Variants in KLF7 observed in about 807,000 individuals in gnomAD.
KLF7 encodes Krueppel-like factor 7.
KLF7 carries 2 observed loss-of-function variants against 27.3 expected under a neutral mutation model. The ratio of observed to expected loss-of-function variants is 0.07; its 90% CI spans 0.03 to 0.23. The LOEUF is 0.23. Ranked by LOEUF, KLF7 falls within the 10% of genes least tolerant of loss-of-function variation. The pLI, the probability that KLF7 is intolerant of heterozygous loss-of-function variation, is 1.00. For missense variants in KLF7, 221 were observed against 394.1 expected (o/e 0.56, Z 3.72); for synonymous variants, 165 against 162.4 (o/e 1.02, Z -0.12).
rs369933071 is a variant in KLF7, at chr2:207,161,336, C to T, written c.102+4131G>A. On this transcript the variant is annotated intron_variant, in intron 1 of 3. Coordinates refer to ENST00000309446, the MANE Select transcript of KLF7 (RefSeq NM_003709.4). ...AAACAGATTTACAGTAACTGAAGAACACACAAATCACATACCAAAAAAAAA... is the reference window on the plus strand; with the variant it reads ...AAACAGATTTACAGTAACTGAAGAATACACAAATCACATACCAAAAAAAAA... 5.9e-5 allele frequency among the ~76,000 whole-genome samples: 9 copies of T among 152,254 alleles called. No individual in the cohort carries two copies. In the East Asian group the frequency reaches 1.5e-3, roughly 26 times the overall value.
intron 2 of KLF7, among the ~76,000 whole-genome samples, chr2:207,091,506 T>C (rs1409032084): frequency 1.3e-5 from 2 of 152,182 alleles, no homozygotes; most frequent in East Asian, 3.9e-4. Context: ...GTTACTATTA[T>C]AGTGATTTAT....
Position 207,165,887 on chromosome 2 carries a change from G to C in KLF7, c.-319C>G. The C allele has an allele frequency of 8.6e-7, 1 of 1,166,882 alleles. No individual in the cohort carries two copies. The highest frequency in any genetic ancestry group is 1.1e-6 in the Non-Finnish European group (1 of 940,482). The allele number at this position is 1,166,882 out of a possible 1,614,324, so 72.3% of individuals were successfully genotyped here. On this transcript the variant is annotated 5_prime_UTR_variant, in exon 1 of 4. In the 5' UTR this introduces an upstream ATG that the reference lacks. Transcript: ENST00000309446. ...AGGGCTCTAATCACTCCAGCTCGTGGATCAGGAAGGGGGATGCAAACTCAC... is the reference window on the plus strand; with the variant it reads ...AGGGCTCTAATCACTCCAGCTCGTGCATCAGGAAGGGGGATGCAAACTCAC...
chr2:207,143,001 A>C (rs2077986648), intron 1 of KLF7, among the ~76,000 whole-genome samples: 1 of 152,250 alleles, frequency 6.6e-6, no homozygotes, highest in African/African-American at 2.4e-5. Context: ...CAGTAGCCGT[A>C]TTAATGTTGC....
chr2:207,092,617 G>A (rs1281954908), intron 2 of KLF7, among the ~76,000 whole-genome samples: 5 of 152,144 alleles, frequency 3.3e-5, no homozygotes, highest in Non-Finnish European at 5.9e-5. Flanking sequence ...TCAAGAACTC[G>A]CGTTCTCCCA....
intron 1 of KLF7, among the ~76,000 whole-genome samples, chr2:207,126,740 T>C (rs1429388480): frequency 6.6e-6 from 1 of 151,954 alleles, no homozygotes; most frequent in African/African-American, 2.4e-5. Context: ...GAGTTCAAGG[T>C]TGCAGTGAGC....
At chr2:207,154,812 G>A (rs1273699512) in intron 1 of KLF7, among the ~76,000 whole-genome samples, 3 of 152,168 alleles carry the variant, frequency 2.0e-5, no homozygotes, top group African/African-American at 7.2e-5. Flanking sequence ...CTTTCTCAAG[G>A]TTCCACCTCT....
chr2:207,162,322 T>C (rs1220084335), intron 1 of KLF7, among the ~76,000 whole-genome samples: 2 of 152,228 alleles, frequency 1.3e-5, no homozygotes, highest in Non-Finnish European at 2.9e-5. Flanking sequence ...GAAATTTTCC[T>C]ACAAGTTTTC....
intron 1 of KLF7, among the ~76,000 whole-genome samples, chr2:207,159,695 T>C (rs1424334739): frequency 6.6e-6 from 1 of 152,210 alleles, no homozygotes; most frequent in Admixed American, 6.5e-5. Context: ...TGAAGAATGG[T>C]ATCCCCCTGA....
intron 2 of KLF7, among the ~76,000 whole-genome samples, chr2:207,097,179 A>T (rs2076650999): frequency 6.6e-6 from 1 of 152,204 alleles, no homozygotes. Context: ...TGGCTCTGCC[A>T]CATAATAGCA....
intron 2 of KLF7, among the ~76,000 whole-genome samples, chr2:207,120,289 G>A (rs1419673714): frequency 6.6e-6 from 1 of 152,162 alleles, no homozygotes; most frequent in Non-Finnish European, 1.5e-5. Context: ...ATCTTTTTCA[G>A]CTCAGTAAAT....
chr2:207,150,025 G>A (rs1434363315), intron 1 of KLF7, among the ~76,000 whole-genome samples: 1 of 152,148 alleles, frequency 6.6e-6, no homozygotes, highest in African/African-American at 2.4e-5. Context: ...ACTTTCAGAA[G>A]CAAATAGTCC....
At chr2:207,096,587 A>T (rs2076635346) in intron 2 of KLF7, among the ~76,000 whole-genome samples, 1 of 152,212 alleles carries the variant, frequency 6.6e-6, no homozygotes, top group African/African-American at 2.4e-5. Context: ...TGGGAGCAGA[A>T]GCAGCTTGGT....
chr2:207,140,669 A>G (rs948711553), intron 1 of KLF7, among the ~76,000 whole-genome samples: 10 of 152,208 alleles, frequency 6.6e-5, no homozygotes, highest in African/African-American at 2.2e-4. Flanking sequence ...CCTCAAGGGC[A>G]CAATTTACAC....
chr2:207,094,947 C>G (rs2076591106), intron 2 of KLF7, among the ~76,000 whole-genome samples: 1 of 151,254 alleles, frequency 6.6e-6, no homozygotes, highest in African/African-American at 2.4e-5. Flanking sequence ...CTTGCTTACT[C>G]AAACGAGGTC....
chr2:207,123,944 A>C lies in KLF7; in HGVS notation c.563T>G (p.Val188Gly). 1 of 1,614,102 alleles carries C rather than the reference A, an allele frequency of 6.2e-7. No homozygotes were observed. The highest frequency in any genetic ancestry group is 8.5e-7 in the Non-Finnish European group (1 of 1,180,020). Residue 188 changes from valine (V) to glycine (G), a missense_variant, in exon 2 of 4, where the codon GTG becomes GGG. Transcript: ENST00000309446. Reference protein sequence around the residue: ...VGGVATAAAAVTAAGAVKSGQ... With the variant: ...VGGVATAAAAGTAAGAVKSGQ... ...ACTCTTAACGGCCCCCGCAGCCGTC[A>C]CGGCTGCTGCAGCTGTTGCGACCCC...
chr2:207,145,337 A>C (rs1291369272), intron 1 of KLF7, among the ~76,000 whole-genome samples: 1 of 152,224 alleles, frequency 6.6e-6, no homozygotes, highest in Non-Finnish European at 1.5e-5. Context: ...AGAAGTTGAG[A>C]GTTTCTTTTA....
chr2:207,165,355 G>GA, intron 1 of KLF7, 112 bp downstream of exon 1: 21 of 1,460,346 alleles, frequency 1.4e-5, no homozygotes, highest in Non-Finnish European at 1.7e-5. Context: ...CAAAAAGGAA[G>GA]AAAAAAAAGT....
chr2:207,083,154 G>A (rs567402375), intron 3 of KLF7, among the ~76,000 whole-genome samples: 1 of 152,276 alleles, frequency 6.6e-6, no homozygotes, highest in South Asian at 2.1e-4. Context: ...GTGTCACTAA[G>A]TTTTCTTTAA....
At position 207,077,990 on chromosome 2, in the gene KLF7, T is replaced by C. The variant is rs2076206768; in HGVS notation, c.*3223A>G. ...TTAATGTGTTTCAAATGTCCATTAA[T>C]GCACTGTTTTAAATAACCAGTCCTC... is the stretch of plus-strand genomic sequence containing the variant. On this transcript the variant is annotated 3_prime_UTR_variant, in exon 4 of 4. Transcript: ENST00000309446. 6.6e-6 allele frequency: 1 copy of C among 152,246 alleles called. No homozygotes were observed. Among genetic ancestry groups the C allele is most frequent in the Non-Finnish European group, 1.5e-5 (1 of 68,042 alleles). 9.4% of individuals were successfully genotyped at this position (152,246 alleles called of 1,614,324 possible).
Sources: allele counts gnomAD v4.1 joint callset (sites outside exome capture counted in the v4.1 genomes callset), GRCh38; gene constraint gnomAD v4.1.1; transcripts MANE v1.5; gene names NCBI Gene and HGNC (gene_info 2026-07-23, HGNC 2026-07-21).